DYNAP: variants seen among roughly 807,000 people sequenced by gnomAD.
DYNAP encodes dynactin associated protein.
In DYNAP, 7 loss-of-function variants were observed where a neutral mutation model predicts 8.5. The ratio of observed to expected loss-of-function variants is 0.82; its 90% CI spans 0.47 to 1.54. The LOEUF (loss-of-function observed/expected upper bound fraction) is 1.54. DYNAP is among the 40% of genes most tolerant of loss of function. The pLI is 0.01. For missense variants in DYNAP, 256 were observed against 224.3 expected (o/e 1.14, Z -0.90); for synonymous variants, 77 against 77.9 (o/e 0.99, Z 0.06).
intron 2 of DYNAP, among the ~76,000 whole-genome samples, chr18:54,596,740 A>G (rs989918624): frequency 5.9e-5 from 9 of 152,080 alleles, no homozygotes; most frequent in Admixed American, 4.6e-4. Context: ...TGTGTGATGC[A>G]GTATTATAGA....
At chr18:54,596,811 G>A (rs1911310173) in intron 2 of DYNAP, among the ~76,000 whole-genome samples, 1 of 151,978 alleles carries the variant, frequency 6.6e-6, no homozygotes, top group South Asian at 2.1e-4. Context: ...CTCCTTTTCA[G>A]TGCTTCCCAT....
At chr18:54,578,442 A>T in the DYNAP span, among the ~76,000 whole-genome samples, 1 of 152,228 alleles carries the variant, frequency 6.6e-6, no homozygotes, top group Non-Finnish European at 1.5e-5. Context: ...GCATGGATGC[A>T]TCATAGTGAA....
chr18:54,595,956 G>A (rs188947873), intron 2 of DYNAP, among the ~76,000 whole-genome samples: 5 of 152,250 alleles, frequency 3.3e-5, no homozygotes, highest in Admixed American at 1.3e-4. Context: ...CAGTAGGATG[G>A]AGTTAGAAAA....
the DYNAP span, among the ~76,000 whole-genome samples, chr18:54,582,507 G>A: frequency 6.6e-6 from 1 of 152,180 alleles, no homozygotes; most frequent in Admixed American, 6.5e-5. Flanking sequence ...ATATGTATTT[G>A]TTTAATAAAT....
At chr18:54,580,383 C>T in the DYNAP span, among the ~76,000 whole-genome samples, 18 of 152,210 alleles carry the variant, frequency 1.2e-4, no homozygotes, top group African/African-American at 4.3e-4. Context: ...GTAGCTATCA[C>T]GATGTCTACT....
Position 54,598,354 on chromosome 18 carries a change from C to T in DYNAP, c.*209C>T, listed in dbSNP as rs1911404974. 7.3e-6 allele frequency: 4 copies of T among 550,416 alleles called. No homozygotes were observed. The Admixed American group carries it at 1.3e-4, about 18-fold the overall frequency. 34.1% of individuals were successfully genotyped at this position (550,416 alleles called of 1,614,324 possible). ...CAACTCAAATAATCACCACTTCGAC[C>T]ATCTCTTTGACTGAATCAACAACTA... On this transcript the variant is annotated 3_prime_UTR_variant, in exon 3 of 3. Coordinates refer to ENST00000648945, the MANE Select transcript of DYNAP (RefSeq NM_173629.3).
intron 1 of DYNAP, among the ~76,000 whole-genome samples, chr18:54,591,667 T>A (rs1911082422): frequency 6.6e-6 from 1 of 152,262 alleles, no homozygotes; most frequent in East Asian, 1.9e-4. Context: ...AGTGTTTATT[T>A]ATTAAGTTCT....
upstream of DYNAP, among the ~76,000 whole-genome samples, chr18:54,582,829 T>G (rs1171505285): frequency 6.6e-6 from 1 of 152,218 alleles, no homozygotes; most frequent in Non-Finnish European, 1.5e-5. Flanking sequence ...ACTCTTAAGC[T>G]ACCCTAGCTT....
At chr18:54,582,233 C>T in the DYNAP span, among the ~76,000 whole-genome samples, 2 of 151,842 alleles carry the variant, frequency 1.3e-5, no homozygotes, top group African/African-American at 2.4e-5. Flanking sequence ...TTGTAGTGAG[C>T]GGAGATCGCA....
chr18:54,575,996 T>C, the DYNAP span, among the ~76,000 whole-genome samples: 3 of 152,340 alleles, frequency 2.0e-5, no homozygotes, highest in Admixed American at 2.0e-4. Flanking sequence ...ACTTCATATA[T>C]TGAAATCATA....
At chr18:54,594,915 C>T (rs763539672) in intron 1 of DYNAP, 24 bp from the exon 2 acceptor site, 5 of 1,597,320 alleles carry the variant, frequency 3.1e-6, no homozygotes, top group Admixed American at 3.5e-5. Flanking sequence ...AGGCTTCCTA[C>T]TCACTTCCAC....
At chr18:54,584,888 A>G (rs1193761493), upstream of DYNAP, among the ~76,000 whole-genome samples, 3 of 152,198 alleles carry the variant, frequency 2.0e-5, no homozygotes, top group African/African-American at 7.2e-5. Flanking sequence ...GATGTGTAAA[A>G]TAGTGCAGGA....
At chr18:54,594,059 C>A (rs888936228) in intron 1 of DYNAP, among the ~76,000 whole-genome samples, 10 of 152,252 alleles carry the variant, frequency 6.6e-5, no homozygotes, top group Admixed American at 1.3e-4. Context: ...TCCCTAAAGT[C>A]TTTCCCTGCC....
At chr18:54,578,175 A>G in the DYNAP span, among the ~76,000 whole-genome samples, 1 of 152,172 alleles carries the variant, frequency 6.6e-6, no homozygotes. Context: ...CATCTACTTC[A>G]GAATCCTCTC....
At chr18:54,590,963 A>G (rs1293268307), upstream of DYNAP, among the ~76,000 whole-genome samples, 4 of 152,156 alleles carry the variant, frequency 2.6e-5, no homozygotes, top group African/African-American at 7.2e-5. Flanking sequence ...GTCCTAAAAT[A>G]AAAGGTGAGT....
Position 54,598,286 on chromosome 18 carries a change from A to G in DYNAP, c.*141A>G, listed in dbSNP as rs1911402180. ...TTTAACAGACTCTATAACCGTTACAACTTCAACAAAATCAAGTCCTACTTC... is the reference window on the plus strand; with the variant it reads ...TTTAACAGACTCTATAACCGTTACAGCTTCAACAAAATCAAGTCCTACTTC... On this transcript the variant is annotated 3_prime_UTR_variant, in exon 3 of 3. Transcript: ENST00000648945. The G allele has an allele frequency of 2.4e-6, 2 of 849,986 alleles. No individual in the cohort carries two copies. The highest frequency in any genetic ancestry group is 2.2e-5 in the South Asian group (1 of 44,520). 52.7% of individuals were successfully genotyped at this position (849,986 alleles called of 1,614,324 possible).
chr18:54,595,802 T>C (rs1437498726), intron 2 of DYNAP, among the ~76,000 whole-genome samples: 6 of 152,264 alleles, frequency 3.9e-5, no homozygotes. Context: ...TTTGGTTTGA[T>C]TCCCCAGACT....
At chr18:54,589,359 G>A (rs1026037674), upstream of DYNAP, among the ~76,000 whole-genome samples, 32 of 152,064 alleles carry the variant, frequency 2.1e-4, no homozygotes, top group African/African-American at 7.7e-4. Flanking sequence ...GTAATGAGAG[G>A]TATCCATGCT....
chr18:54,596,449 C>A lies in DYNAP; in HGVS notation c.222+1346C>A, dbSNP rs559043378. Reference sequence around the variant, plus strand: ...AAGACCAAATCAAGTGCCTGAGCCCCACCCCAGACTAATTAAATCAGAAAC... The same window carrying A: ...AAGACCAAATCAAGTGCCTGAGCCCAACCCCAGACTAATTAAATCAGAAAC... On this transcript the variant is annotated intron_variant, in intron 2 of 2. Transcript: ENST00000648945. Among the ~76,000 whole-genome samples, 13 of 152,252 alleles carry A rather than the reference C, an allele frequency of 8.5e-5. No homozygotes were observed. The East Asian group carries it at 2.3e-3, about 27-fold the overall frequency.
Sources: allele counts gnomAD v4.1 joint callset (sites outside exome capture counted in the v4.1 genomes callset), GRCh38; gene constraint gnomAD v4.1.1; transcripts MANE v1.5; gene names NCBI Gene and HGNC (gene_info 2026-07-23, HGNC 2026-07-21).